CADPS2: variants seen among roughly 807,000 people sequenced by gnomAD.
The protein encoded by CADPS2 is calcium-dependent secretion activator 2.
Under a neutral mutation model 172.5 loss-of-function variants are expected in CADPS2, and 93 were observed. That is an observed-to-expected ratio of 0.54 (90% confidence interval 0.46 to 0.64). The LOEUF is 0.64. Ranked by LOEUF, CADPS2 falls within the 30% of genes least tolerant of loss-of-function variation. CADPS2 has a pLI of 0.00. For synonymous variants in CADPS2, 546 were observed against 555.2 expected (o/e 0.98, Z 0.23); for missense variants, 1,420 against 1,565.9 (o/e 0.91, Z 1.57).
At chr7:122,400,931 G>C (rs2045872605) in intron 20 of CADPS2, among the ~76,000 whole-genome samples, 1 of 152,144 alleles carries the variant, frequency 6.6e-6, no homozygotes, top group Non-Finnish European at 1.5e-5. Context: ...AAAGAAATCT[G>C]AAAAATAATC....
intron 2 of CADPS2, among the ~76,000 whole-genome samples, chr7:122,717,773 A>C (rs1334417968): frequency 6.6e-6 from 1 of 152,018 alleles, no homozygotes; most frequent in Non-Finnish European, 1.5e-5. Context: ...TTGAAATACA[A>C]CTCAATTATC....
intron 25 of CADPS2, among the ~76,000 whole-genome samples, chr7:122,378,398 A>C (rs936097077): frequency 3.3e-5 from 5 of 152,184 alleles, no homozygotes; most frequent in African/African-American, 1.2e-4. Context: ...CCTGAAACTG[A>C]ATGTTACTTT....
At chr7:122,488,584 C>A (rs1285928766) in intron 11 of CADPS2, among the ~76,000 whole-genome samples, 3 of 152,180 alleles carry the variant, frequency 2.0e-5, no homozygotes, top group Non-Finnish European at 2.9e-5. Flanking sequence ...CATACCAGCA[C>A]ATAAGTAATG....
chr7:122,480,516 A>G (rs953636254), intron 12 of CADPS2, among the ~76,000 whole-genome samples: 2 of 152,124 alleles, frequency 1.3e-5, no homozygotes, highest in African/African-American at 2.4e-5. Flanking sequence ...TGCTTCATCA[A>G]TTGGGTGTTT....
At chr7:122,705,588 TA>T (rs1489197526) in intron 2 of CADPS2, among the ~76,000 whole-genome samples, 1 of 113,140 alleles carries the variant, frequency 8.8e-6, no homozygotes, top group African/African-American at 3.6e-5. Context: ...ATATATTATA[TA>T]ATATATTTTA....
intron 2 of CADPS2, chr7:122,698,036 T>C (rs767335270): frequency 1.2e-6 from 2 of 1,613,512 alleles, no homozygotes; most frequent in African/African-American, 1.3e-5. Context: ...CATTTGCAAA[T>C]GGGGCATGTC....
chr7:122,705,311 A>G (rs2086818517), intron 2 of CADPS2, among the ~76,000 whole-genome samples: 1 of 150,918 alleles, frequency 6.6e-6, no homozygotes, highest in African/African-American at 2.4e-5. Flanking sequence ...TTCCTTTTAG[A>G]TCATTTATTC....
intron 1 of CADPS2, among the ~76,000 whole-genome samples, chr7:122,807,119 C>A (rs1405038331): frequency 4.6e-5 from 7 of 152,208 alleles, no homozygotes; most frequent in Admixed American, 4.6e-4. Context: ...TGCCACCCTG[C>A]TACAAGCAGT....
intron 1 of CADPS2, among the ~76,000 whole-genome samples, chr7:122,832,501 C>T (rs993764318): frequency 6.6e-6 from 1 of 152,118 alleles, no homozygotes; most frequent in South Asian, 2.1e-4. Context: ...GAGATATAAG[C>T]GCATATTTCC....
chr7:122,505,794 T>C (rs932947792), intron 9 of CADPS2, among the ~76,000 whole-genome samples: 1 of 152,214 alleles, frequency 6.6e-6, no homozygotes, highest in African/African-American at 2.4e-5. Flanking sequence ...TGGTTCTGTT[T>C]CCATAAAATG....
At chr7:122,423,526 C>T (rs1241929774) in intron 17 of CADPS2, among the ~76,000 whole-genome samples, 1 of 152,132 alleles carries the variant, frequency 6.6e-6, no homozygotes, top group East Asian at 1.9e-4. Flanking sequence ...CCTATAATTG[C>T]TCCACTATCT....
intron 1 of CADPS2, among the ~76,000 whole-genome samples, chr7:122,808,972 T>C (rs1799401390): frequency 1.3e-5 from 2 of 152,202 alleles, no homozygotes; most frequent in Non-Finnish European, 2.9e-5. Context: ...TGTAGGACTA[T>C]ATGTTCCTTA....
At chr7:122,337,166 A>T (rs1375427584) in intron 28 of CADPS2, among the ~76,000 whole-genome samples, 3 of 152,190 alleles carry the variant, frequency 2.0e-5, no homozygotes, top group African/African-American at 7.2e-5. Context: ...ATAAGGCAAA[A>T]TTAGGTGGGC....
At chr7:122,801,192 C>A (rs2139950085) in intron 1 of CADPS2, among the ~76,000 whole-genome samples, 1 of 152,112 alleles carries the variant, frequency 6.6e-6, no homozygotes, top group South Asian at 2.1e-4. Context: ...GAGACCAAAA[C>A]AGAATGTTCA....
At chr7:122,464,555 G>T (rs1215556361) in intron 14 of CADPS2, among the ~76,000 whole-genome samples, 1 of 152,096 alleles carries the variant, frequency 6.6e-6, no homozygotes, top group Non-Finnish European at 1.5e-5. Flanking sequence ...CTTTACAGTA[G>T]AGAAATGTGA....
chr7:122,678,023 C>G (rs538347255), intron 2 of CADPS2, among the ~76,000 whole-genome samples: 1 of 152,304 alleles, frequency 6.6e-6, no homozygotes, highest in African/African-American at 2.4e-5. Flanking sequence ...CTTGTTAAGA[C>G]TGCAAACTGC....
At chr7:122,492,100 A>G (rs1440890227) in intron 9 of CADPS2, among the ~76,000 whole-genome samples, 1 of 152,132 alleles carries the variant, frequency 6.6e-6, no homozygotes, top group East Asian at 1.9e-4. Flanking sequence ...TGAACCTGGG[A>G]GGCTGAGGTT....
intron 2 of CADPS2, among the ~76,000 whole-genome samples, chr7:122,703,401 T>C (rs1222266004): frequency 1.3e-5 from 2 of 152,142 alleles, no homozygotes; most frequent in Non-Finnish European, 1.5e-5. Context: ...CAGTATGGCA[T>C]TCTGTGGGAA....
intron 25 of CADPS2, among the ~76,000 whole-genome samples, chr7:122,364,411 GT>G (rs1279477031): frequency 1.5e-5 from 1 of 68,006 alleles, no homozygotes; most frequent in African/African-American, 6.3e-5. Flanking sequence ...CCTGTCTCAA[GT>G]TAAAAAAAAA....
Sources: gnomAD v4.1 joint callset for allele counts (sites outside exome capture counted in the v4.1 genomes callset) on GRCh38, gnomAD v4.1.1 for gene constraint, MANE v1.5 for transcripts, NCBI Gene and HGNC (gene_info 2026-07-23, HGNC 2026-07-21) for gene names.